The following BPIFB4 variants were observed in gnomAD, a reference collection of about 807,000 sequenced individuals.
BPIFB4 encodes BPI fold-containing family B member 4.
Under a neutral mutation model 69.2 loss-of-function variants are expected in BPIFB4, and 62 were observed. The observed-to-expected ratio is 0.90, with a 90% CI of 0.73 to 1.11. BPIFB4 has a LOEUF of 1.11. Among genes scored for constraint, BPIFB4 ranks in the 50% least tolerant of loss-of-function variants. The probability of loss-of-function intolerance (pLI) is 0.00; values close to 1 mark genes in which losing one functional copy is unlikely to be tolerated. For synonymous variants in BPIFB4, 330 were observed against 332.7 expected, an observed-to-expected ratio of 0.99 and a Z score of 0.09; for missense variants, 789 against 792.0, an observed-to-expected ratio of 1.00 and a Z score of 0.04.
chr20:33,083,733 C>G lies in BPIFB4; in HGVS notation c.536C>G (p.Ala179Gly), dbSNP rs1191187153. ...TTGCTGGGCACTGGAGGCATGCTGGCAGCTGATGGCATCCTCGCAGGCCAA... is the reference window on the plus strand; with the variant it reads ...TTGCTGGGCACTGGAGGCATGCTGGGAGCTGATGGCATCCTCGCAGGCCAA... Reference protein sequence around the residue: ...GGLLGTGGMLAADGILAGQGG... With the variant: ...GGLLGTGGMLGADGILAGQGG... Residue 179 changes from alanine to glycine, a missense_variant, in exon 5 of 18, where the codon GCA becomes GGA. Physicochemically the swap from Ala to Gly is moderately conservative, Grantham distance 60 (BLOSUM62 0). This residue lies in a region of BPIFB4 where 611 missense variants were observed against 575.4 expected (regional missense o/e 1.06). Transcript: ENST00000375483. 1 of 1,613,978 alleles carries G rather than the reference C, an allele frequency of 6.2e-7. No homozygotes were observed. Among genetic ancestry groups the G allele is most frequent in the Admixed American group, 1.7e-5 (1 of 60,020 alleles).
intron 5 of BPIFB4, among the ~76,000 whole-genome samples, chr20:33,084,364 C>G (rs1344469053): frequency 6.6e-6 from 1 of 152,198 alleles, no homozygotes; most frequent in African/African-American, 2.4e-5. Flanking sequence ...CTCCACGGAG[C>G]TTGCAGGTTG....
chr20:33,089,602 A>T, intron 9 of BPIFB4, 44 bp downstream of exon 9: 1 of 1,613,888 alleles, frequency 6.2e-7, no homozygotes, highest in Non-Finnish European at 8.5e-7. Context: ...GGCACTGAGG[A>T]CCGGGCCCTT....
intron 7 of BPIFB4, among the ~76,000 whole-genome samples, chr20:33,087,506 A>G (rs1981464713): frequency 6.6e-6 from 1 of 152,070 alleles, no homozygotes; most frequent in Non-Finnish European, 1.5e-5. Flanking sequence ...GTAATATTCC[A>G]TTGCCTGGAT....
chr20:33,094,985 C>G, intron 11 of BPIFB4, 115 bp from the exon 12 acceptor site: 1 of 1,040,704 alleles, frequency 9.6e-7, no homozygotes, highest in Non-Finnish European at 1.5e-6. Context: ...GGAGAGAAGA[C>G]GAAGACGCCC....
intron 16 of BPIFB4, among the ~76,000 whole-genome samples, chr20:33,106,022 C>T (rs995208356): frequency 2.0e-5 from 3 of 152,246 alleles, no homozygotes; most frequent in South Asian, 4.1e-4. Context: ...GTTCCATGGC[C>T]GAGCAAGTTT....
rs143050216 is a variant in BPIFB4 at position 33,083,691 on chromosome 20, C to T, written c.494C>T (p.Ala165Val). Residue 165 changes from alanine to valine, a missense_variant, in exon 5 of 18, where the codon GCG becomes GTG. By Grantham distance (64) the Ala-to-Val change is moderately conservative (BLOSUM62 0). Coordinates refer to ENST00000375483, the MANE Select transcript of BPIFB4 (RefSeq NM_182519.3). ...GEIPPGVATG[A>V]VGPGGLLGTG... ...ATCCCACCTGGAGTTGCCACTGGGG[C>T]GGTGGGCCCAGGTGGTTTGCTGGGC... 5.3e-5 allele frequency: 85 copies of T among 1,613,952 alleles called. No homozygotes were observed. The highest frequency in any genetic ancestry group is 3.1e-4 in the African/African-American group (23 of 74,982).
chr20:33,092,161 G>C (rs929981087), intron 10 of BPIFB4, among the ~76,000 whole-genome samples: 12 of 152,176 alleles, frequency 7.9e-5, no homozygotes, highest in Admixed American at 3.3e-4. Context: ...TTAGAGGGTA[G>C]ATATGCATTG....
At chr20:33,103,335 C>A (rs560562736) in intron 15 of BPIFB4, among the ~76,000 whole-genome samples, 130 of 152,310 alleles carry the variant, frequency 8.5e-4, no homozygotes, top group African/African-American at 3.0e-3. Flanking sequence ...CAGTGGGCAG[C>A]CTTGTCCTAC....
intron 3 of BPIFB4, 63 bp downstream of exon 3, chr20:33,081,695 T>A: frequency 6.5e-7 from 1 of 1,537,178 alleles, no homozygotes. Context: ...CTGCCAACTC[T>A]GAAGTACCCA....
intron 11 of BPIFB4, 111 bp downstream of exon 11, chr20:33,092,769 G>A (rs925365686): frequency 3.9e-6 from 4 of 1,032,770 alleles, no homozygotes; most frequent in Non-Finnish European, 2.9e-6. Flanking sequence ...AACTGCAGAT[G>A]GTCCACCCCT....
In BPIFB4 at chr20:33,111,429, A is replaced by T. The variant is rs748524858; in HGVS notation, c.1837A>T (p.Ser613Cys). Residue 613 changes from serine to cysteine, a missense_variant, in exon 18 of 18, where the codon AGC becomes TGC. This residue lies in a region of BPIFB4 where 170 missense variants were observed against 193.6 expected (regional missense o/e 0.88). Coordinates refer to ENST00000375483, the MANE Select transcript of BPIFB4 (RefSeq NM_182519.3). Reference protein sequence around the residue: ...IDVLEDLLVLSA With the variant: ...IDVLEDLLVLCA ...GCCATCCAAGGACCTTTTGGTGCTG[A>T]GCGCATGAGTGACAGAGGCAGAGAT... The T allele has an allele frequency of 6.2e-7, 1 of 1,614,006 alleles. No homozygotes were observed. The highest frequency in any genetic ancestry group is 1.3e-5 in the African/African-American group (1 of 75,040).
chr20:33,108,436 T>TATATATATATATATATATACACACAC (rs1271417747), intron 17 of BPIFB4, among the ~76,000 whole-genome samples: 1 of 148,514 alleles, frequency 6.7e-6, no homozygotes, highest in African/African-American at 2.5e-5. Flanking sequence ...TATATATATA[T>TATATATATATATATATATACACACAC]AGACATATAT....
chr20:33,079,923 T>C (rs76354450), intron 1 of BPIFB4, among the ~76,000 whole-genome samples: 4 of 152,196 alleles, frequency 2.6e-5, no homozygotes. Flanking sequence ...GCTGCACTCA[T>C]CTTTCCCAGG....
intron 13 of BPIFB4, 129 bp from the exon 14 acceptor site, chr20:33,100,297 G>T: frequency 4.2e-6 from 3 of 710,880 alleles, no homozygotes; most frequent in East Asian, 2.5e-5. Context: ...CCCAGGCCTC[G>T]GGGAACAACC....
In BPIFB4 at chr20:33,083,012, G is replaced by A. The variant is rs994143988; in HGVS notation, c.169+12G>A. The A allele has an allele frequency of 1.2e-6, 2 of 1,607,900 alleles. No homozygotes were observed. The highest frequency in any genetic ancestry group is 8.5e-7 in the Non-Finnish European group (1 of 1,176,004). On this transcript the variant is annotated intron_variant, in intron 4 of 17. Coordinates refer to ENST00000375483, the MANE Select transcript of BPIFB4 (RefSeq NM_182519.3). ...AGAGGTGCCCTTGGGTAAAGCCCGTGGTGATGGTGGTGGGCCTCTCCTGGG... is the reference window on the plus strand; with the variant it reads ...AGAGGTGCCCTTGGGTAAAGCCCGTAGTGATGGTGGTGGGCCTCTCCTGGG...
rs999869042 is a variant in BPIFB4 at position 33,104,691 on chromosome 20, C to T, written c.1681-119C>T. On this transcript the variant is annotated intron_variant, in intron 15 of 17. Transcript: ENST00000375483. Reference sequence around the variant, plus strand: ...GTCTCAGGGGTTCTGACTGCCAGAACCTAGACTCTCCCAGAGCAGGTCTGT... The same window carrying T: ...GTCTCAGGGGTTCTGACTGCCAGAATCTAGACTCTCCCAGAGCAGGTCTGT... 90 of 908,988 alleles carry T rather than the reference C, an allele frequency of 9.9e-5. 1 individual carries two copies. Among genetic ancestry groups the T allele is most frequent in the Admixed American group, 3.0e-4 (11 of 37,040 alleles). 56.3% of individuals were successfully genotyped at this position (908,988 alleles called of 1,614,324 possible).
intron 12 of BPIFB4, among the ~76,000 whole-genome samples, chr20:33,097,035 C>T (rs977377566): frequency 9.9e-5 from 15 of 152,140 alleles, no homozygotes; most frequent in Admixed American, 2.6e-4. Flanking sequence ...TCCAGCAATC[C>T]GGGCTCGGGG....
chr20:33,107,846 GC>G (rs1982115565), intron 17 of BPIFB4, 26 bp downstream of exon 17: 1 of 1,595,580 alleles, frequency 6.3e-7, no homozygotes, highest in Middle Eastern at 1.7e-4. Flanking sequence ...GCTCCATTCT[GC>G]TTTTCCTCCC....
Position 33,089,489 on chromosome 20 carries a change from C to G in BPIFB4, c.991-9C>G. 6.2e-7 allele frequency: 1 copy of G among 1,614,222 alleles called. No individual in the cohort carries two copies. Among genetic ancestry groups the G allele is most frequent in the South Asian group, 1.1e-5 (1 of 91,084 alleles). ...GTCAACAAGGCTTTGTGCCATTTCT[C>G]CCCTGCAGCTCTGCCCCATCGTGGA... On this transcript the variant is annotated splice_polypyrimidine_tract_variant and intron_variant, in intron 8 of 17. Coordinates refer to ENST00000375483, the MANE Select transcript of BPIFB4 (RefSeq NM_182519.3).
Sources: allele counts gnomAD v4.1 joint callset (sites outside exome capture counted in the v4.1 genomes callset), GRCh38; gene constraint gnomAD v4.1.1; regional missense constraint gnomAD v4.1.1; transcripts MANE v1.5; gene names NCBI Gene and HGNC (gene_info 2026-07-23, HGNC 2026-07-21).